PTH2R: variants seen among roughly 807,000 people sequenced by gnomAD.
PTH2R encodes PTH2 receptor.
In PTH2R, 59 loss-of-function variants were observed where a neutral mutation model predicts 60.3. The ratio of observed to expected loss-of-function variants is 0.98; its 90% CI spans 0.79 to 1.22. PTH2R has a LOEUF of 1.22. Among genes scored for constraint, PTH2R ranks in the 50% most tolerant of loss-of-function variants. PTH2R has a pLI of 0.00. For synonymous variants in PTH2R, 256 were observed against 243.8 expected, an observed-to-expected ratio of 1.05 and a Z score of -0.47; for missense variants, 749 against 682.6, an observed-to-expected ratio of 1.10 and a Z score of -1.08.
chr2:208,445,838 A>C (rs1702278524), intron 7 of PTH2R, among the ~76,000 whole-genome samples: 1 of 152,208 alleles, frequency 6.6e-6, no homozygotes. Context: ...TTTACTGTTA[A>C]ACTTATTTAT....
intron 1 of PTH2R, among the ~76,000 whole-genome samples, chr2:208,373,412 G>T (rs1700738772): frequency 6.6e-6 from 1 of 151,930 alleles, no homozygotes; most frequent in African/African-American, 2.4e-5. Context: ...CTTGAATTTG[G>T]CCTGCTCTGA....
chr2:208,488,810 G>A (rs566966179), intron 10 of PTH2R, among the ~76,000 whole-genome samples: 1 of 152,258 alleles, frequency 6.6e-6, no homozygotes, highest in South Asian at 2.1e-4. Context: ...TCAGGAGGTC[G>A]ACACTGCAGT....
At chr2:208,428,340 C>A (rs1178732607) in intron 2 of PTH2R, 37 bp downstream of exon 2, 1 of 1,408,032 alleles carries the variant, frequency 7.1e-7, no homozygotes, top group Non-Finnish European at 1.0e-6. Context: ...CCTTGTGCCT[C>A]CTATCTGTTC....
At chr2:208,453,496 T>C (rs1702449021) in intron 8 of PTH2R, among the ~76,000 whole-genome samples, 1 of 152,228 alleles carries the variant, frequency 6.6e-6, no homozygotes, top group South Asian at 2.1e-4. Flanking sequence ...TCTCTAAATG[T>C]GCAAGTGTAA....
At position 208,442,357 on chromosome 2, in the gene PTH2R, C is replaced by T. The variant is rs775250567; in HGVS notation, c.412-7C>T. The stretch of plus-strand genomic sequence containing the variant: ...CATATCATACATGAGCATCTCTTCC[C>T]TTGCAGCAAGAATTCTTTGAACGCC... On this transcript the variant is annotated splice_region_variant and splice_polypyrimidine_tract_variant and intron_variant, in intron 4 of 12. Coordinates refer to ENST00000272847, the MANE Select transcript of PTH2R (RefSeq NM_005048.4). 3.1e-6 allele frequency: 5 copies of T among 1,596,716 alleles called. No homozygotes were observed. In the African/African-American group the frequency reaches 5.4e-5, roughly 17 times the overall value.
intron 1 of PTH2R, among the ~76,000 whole-genome samples, chr2:208,392,974 C>G (rs1367227290): frequency 6.6e-6 from 1 of 152,212 alleles, no homozygotes; most frequent in Admixed American, 6.5e-5. Context: ...TGGACAGGGT[C>G]AAGGAAGGTT....
intron 9 of PTH2R, among the ~76,000 whole-genome samples, chr2:208,471,575 A>G (rs1483274785): frequency 6.6e-6 from 1 of 152,248 alleles, no homozygotes; most frequent in Non-Finnish European, 1.5e-5. Context: ...ACCTCTGCCT[A>G]AATTTCAGAA....
At position 208,443,448 on chromosome 2, in the gene PTH2R, C is replaced by A; in HGVS notation, c.610C>A (p.His204Asn). ...IFVKDRVVHA[H>N]IGVKELESLI... ...TGTCAAAGACAGAGTAGTCCATGCT[C>A]ACATAGGAGTAAAGGAGCTGGAGTC... Residue 204 changes from histidine (H) to asparagine (N), a missense_variant, in exon 6 of 13, where the codon CAC (histidine) becomes AAC (asparagine). By Grantham distance (68) the His-to-Asn change is moderately conservative (BLOSUM62 1). Transcript: ENST00000272847. The A allele has an allele frequency of 6.2e-7, 1 of 1,613,826 alleles. No homozygotes were observed. Among genetic ancestry groups the A allele is most frequent in the Non-Finnish European group, 8.5e-7 (1 of 1,179,844 alleles).
intron 1 of PTH2R, among the ~76,000 whole-genome samples, chr2:208,412,030 G>A (rs1366471508): frequency 6.6e-6 from 1 of 152,160 alleles, no homozygotes; most frequent in East Asian, 1.9e-4. Context: ...TAAATGGGGT[G>A]TGTATGTATG....
chr2:208,467,644 A>T (rs1221796436), intron 9 of PTH2R, among the ~76,000 whole-genome samples: 2 of 152,194 alleles, frequency 1.3e-5, no homozygotes, highest in African/African-American at 4.8e-5. Context: ...GAGGAAAAAC[A>T]AGCTTGTCAT....
At chr2:208,418,120 A>C (rs1464545893) in intron 1 of PTH2R, among the ~76,000 whole-genome samples, 3 of 152,192 alleles carry the variant, frequency 2.0e-5, no homozygotes, top group Non-Finnish European at 4.4e-5. Context: ...ACCACTTAGC[A>C]TAATAAAAAT....
At chr2:208,386,086 T>C (rs573410083) in intron 1 of PTH2R, among the ~76,000 whole-genome samples, 1 of 152,330 alleles carries the variant, frequency 6.6e-6, no homozygotes, top group South Asian at 2.1e-4. Context: ...ATTCAAATAA[T>C]CAAATCTTTA....
intron 1 of PTH2R, among the ~76,000 whole-genome samples, chr2:208,374,596 A>G (rs1447004955): frequency 2.0e-5 from 3 of 152,042 alleles, no homozygotes; most frequent in Admixed American, 1.3e-4. Flanking sequence ...TCCACCTCCC[A>G]GGTTCAAGCG....
chr2:208,442,515 A>T, intron 5 of PTH2R, 54 bp downstream of exon 5: 2 of 1,350,948 alleles, frequency 1.5e-6, no homozygotes, highest in South Asian at 1.2e-5. Context: ...TTTCCTATCC[A>T]GAGAAGACAT....
chr2:208,414,736 G>A (rs1451733099), intron 1 of PTH2R, among the ~76,000 whole-genome samples: 1 of 152,092 alleles, frequency 6.6e-6, no homozygotes, highest in African/African-American at 2.4e-5. Context: ...AGCTAAGAAT[G>A]ATTTTCACAT....
rs187727334 is a variant in PTH2R at position 208,420,369 on chromosome 2, A to C, written c.76-7832A>C. Among the ~76,000 whole-genome samples the C allele has an allele frequency of 1.1e-3, 162 of 152,246 alleles. 1 individual carries two copies. Among genetic ancestry groups the C allele is most frequent in the African/African-American group, 3.7e-3 (152 of 41,542 alleles). ...TTTCAATTTTGCCTATTTCTTCTCCATAGCAGTGGAAACATTTTACATTCC... is the reference window on the plus strand; with the variant it reads ...TTTCAATTTTGCCTATTTCTTCTCCCTAGCAGTGGAAACATTTTACATTCC... On this transcript the variant is annotated intron_variant, in intron 1 of 12. Transcript: ENST00000272847.
chr2:208,458,357 A>C (rs1702557361), intron 8 of PTH2R, among the ~76,000 whole-genome samples: 1 of 152,240 alleles, frequency 6.6e-6, no homozygotes, highest in Admixed American at 6.5e-5. Context: ...TAATTTTTAA[A>C]TTAAGTACTG....
chr2:208,434,390 A>G lies in PTH2R; in HGVS notation c.179-3147A>G, dbSNP rs574834600. On this transcript the variant is annotated intron_variant, in intron 2 of 12. Transcript: ENST00000272847. ...TGAACATTTACTATTCTCTTTGTCA[A>G]AGAGCAACCAAAAAAATAAGCATGA... Among the ~76,000 whole-genome samples, 79 of 152,304 alleles carry G rather than the reference A, an allele frequency of 5.2e-4. 1 individual carries two copies. Among genetic ancestry groups the G allele is most frequent in the African/African-American group, 1.6e-3 (65 of 41,572 alleles).
intron 2 of PTH2R, among the ~76,000 whole-genome samples, chr2:208,434,090 G>A (rs947127963): frequency 6.6e-6 from 1 of 152,150 alleles, no homozygotes; most frequent in Non-Finnish European, 1.5e-5. Context: ...GAGGCGGGTG[G>A]ATCACCTGAG....
Sources: gnomAD v4.1 joint callset for allele counts (sites outside exome capture counted in the v4.1 genomes callset) on GRCh38, gnomAD v4.1.1 for gene constraint, MANE v1.5 for transcripts, NCBI Gene and HGNC (gene_info 2026-07-23, HGNC 2026-07-21) for gene names.